Variants in L3MBTL3 observed in about 807,000 individuals in gnomAD.
L3MBTL3 encodes the protein lethal(3)malignant brain tumor-like protein 3.
In L3MBTL3, 27 loss-of-function variants were observed where a neutral mutation model predicts 102.3. The ratio of observed to expected loss-of-function variants is 0.26; its 90% confidence interval spans 0.19 to 0.36. L3MBTL3 has a LOEUF of 0.36. L3MBTL3 is among the 10% of genes least tolerant of loss of function. The probability of loss-of-function intolerance (pLI) is 1.00; values close to 1 mark genes in which losing one functional copy is unlikely to be tolerated. For synonymous variants in L3MBTL3, 340 were observed against 320.9 expected, an observed-to-expected ratio of 1.06 and a Z score of -0.64; for missense variants, 798 against 955.3, an observed-to-expected ratio of 0.84 and a Z score of 2.17.
chr6:130,057,352 C>T, intron 8 of L3MBTL3, 54 bp from the exon 9 acceptor site: 2 of 1,404,322 alleles, frequency 1.4e-6, no homozygotes, highest in South Asian at 2.4e-5. Flanking sequence ...ACAGATGCAT[C>T]ACTGCTGGCT....
intron 14 of L3MBTL3, among the ~76,000 whole-genome samples, chr6:130,081,065 C>T (rs773968600): frequency 6.6e-6 from 1 of 152,262 alleles, no homozygotes; most frequent in Non-Finnish European, 1.5e-5. Context: ...TAGGCCACCA[C>T]CACGTTTCCG....
intron 14 of L3MBTL3, among the ~76,000 whole-genome samples, chr6:130,081,692 TG>T (rs1195295561): frequency 6.6e-6 from 1 of 152,070 alleles, no homozygotes; most frequent in African/African-American, 2.4e-5. Context: ...CCCAAAATGC[TG>T]GGATTACAGG....
At chr6:130,103,551 C>G (rs769621020) in intron 18 of L3MBTL3, among the ~76,000 whole-genome samples, 3 of 152,182 alleles carry the variant, frequency 2.0e-5, no homozygotes, top group Non-Finnish European at 2.9e-5. Flanking sequence ...ATGTAATTTA[C>G]CTAAGGCCCA....
At chr6:130,093,899 A>G (rs1175713113) in intron 17 of L3MBTL3, among the ~76,000 whole-genome samples, 1 of 152,228 alleles carries the variant, frequency 6.6e-6, no homozygotes. Flanking sequence ...TGTTCACAGT[A>G]TGTGAGTATT....
Position 130,139,822 on chromosome 6 carries a change from G to T in L3MBTL3, c.*69G>T. ...CATGTTTTATTCAAAGCACAAGGACGGTTATAACTCCTAAGTGAGAAGTCT... is the reference window on the plus strand; with the variant it reads ...CATGTTTTATTCAAAGCACAAGGACTGTTATAACTCCTAAGTGAGAAGTCT... On this transcript the variant is annotated 3_prime_UTR_variant, in exon 23 of 23. Transcript: ENST00000361794. 3 of 1,453,880 alleles carry T rather than the reference G, an allele frequency of 2.1e-6. No individual in the cohort carries two copies. Among genetic ancestry groups the T allele is most frequent in the East Asian group, 2.3e-5 (1 of 43,390 alleles). 90.1% of individuals were successfully genotyped at this position (1,453,880 alleles called of 1,614,324 possible).
In L3MBTL3 at chr6:130,070,032, A is replaced by G. The variant is rs140171968; in HGVS notation, c.1093-944A>G. Among the ~76,000 whole-genome samples, 35 of 152,314 alleles carry G rather than the reference A, an allele frequency of 2.3e-4. 2 individuals are homozygous for G. Among genetic ancestry groups the G allele is most frequent in the East Asian group, 1.3e-3 (7 of 5,190 alleles). Reference sequence around the variant, plus strand: ...TTGTATAATTATAGTAAAATGAGAGATAGCATTTATTTTGCCTAAAGTAGT... The same window carrying G: ...TTGTATAATTATAGTAAAATGAGAGGTAGCATTTATTTTGCCTAAAGTAGT... On this transcript the variant is annotated intron_variant, in intron 12 of 22. Transcript: ENST00000361794.
At chr6:130,094,175 T>G in intron 17 of L3MBTL3, 90 bp from the exon 18 acceptor site, 1 of 959,782 alleles carries the variant, frequency 1.0e-6, no homozygotes, top group Non-Finnish European at 1.5e-6. Context: ...AGGGAGTCTT[T>G]TTCTTCCTTA....
At chr6:130,030,725 C>T (rs2114554412) in intron 2 of L3MBTL3, among the ~76,000 whole-genome samples, 1 of 149,304 alleles carries the variant, frequency 6.7e-6, no homozygotes, top group South Asian at 2.1e-4. Context: ...GGCTCCAAAG[C>T]CTTTGCTGTT....
intron 1 of L3MBTL3, 46 bp downstream of exon 1, chr6:130,018,710 T>C (rs1284948164): frequency 6.6e-6 from 1 of 152,320 alleles, no homozygotes; most frequent in African/African-American, 2.4e-5. Flanking sequence ...ATCTGAAGAT[T>C]TGTCCGTGCA....
chr6:130,043,865 G>A (rs905505852), intron 3 of L3MBTL3, among the ~76,000 whole-genome samples: 1 of 152,122 alleles, frequency 6.6e-6, no homozygotes, highest in Admixed American at 6.6e-5. Flanking sequence ...TAAGTGTAAT[G>A]TGCCAACACC....
intron 19 of L3MBTL3, among the ~76,000 whole-genome samples, chr6:130,111,218 G>GCT (rs1785326348): frequency 6.6e-6 from 1 of 152,122 alleles, no homozygotes; most frequent in Non-Finnish European, 1.5e-5. Context: ...TTGTCACGCT[G>GCT]GTTACCACCA....
intron 2 of L3MBTL3, among the ~76,000 whole-genome samples, chr6:130,029,493 G>A (rs771433636): frequency 2.0e-5 from 3 of 152,090 alleles, no homozygotes; most frequent in South Asian, 2.1e-4. Context: ...CAGAAATTAC[G>A]TCCTTTTTAT....
At chr6:130,100,382 G>A (rs1011082499) in intron 18 of L3MBTL3, among the ~76,000 whole-genome samples, 3 of 152,036 alleles carry the variant, frequency 2.0e-5, no homozygotes, top group Admixed American at 1.3e-4. Flanking sequence ...ATTTTGTGGC[G>A]TTCCATTTTG....
At chr6:130,031,141 C>T (rs1166289193) in intron 2 of L3MBTL3, among the ~76,000 whole-genome samples, 3 of 152,044 alleles carry the variant, frequency 2.0e-5, no homozygotes, top group African/African-American at 7.3e-5. Context: ...AGACAGGGGC[C>T]ATACCTTTCT....
chr6:130,091,785 CAT>C (rs1366575655), intron 16 of L3MBTL3, among the ~76,000 whole-genome samples: 2 of 151,912 alleles, frequency 1.3e-5, no homozygotes, highest in East Asian at 3.9e-4. Flanking sequence ...TGTTCTCACT[CAT>C]ATGTGGGAGC....
At chr6:130,078,500 A>G in intron 13 of L3MBTL3, 58 bp from the exon 14 acceptor site, 1 of 1,112,536 alleles carries the variant, frequency 9.0e-7, no homozygotes. Context: ...TTTTTATTTT[A>G]CTAGTTTTTG....
chr6:130,131,553 A>G (rs2114405007), intron 20 of L3MBTL3, among the ~76,000 whole-genome samples: 1 of 152,338 alleles, frequency 6.6e-6, no homozygotes. Flanking sequence ...AGACCCCAGG[A>G]GAGGATTCTT....
chr6:130,084,380 CATG>C (rs1332052932), intron 15 of L3MBTL3, among the ~76,000 whole-genome samples: 1 of 151,884 alleles, frequency 6.6e-6, no homozygotes, highest in African/African-American at 2.4e-5. Context: ...TTAAATGTGT[CATG>C]ATGAGCTTAT....
chr6:130,111,448 G>T (rs569104466), intron 19 of L3MBTL3, among the ~76,000 whole-genome samples: 4 of 152,176 alleles, frequency 2.6e-5, no homozygotes, highest in East Asian at 3.9e-4. Context: ...GGAAATCAGC[G>T]CAGGTGAGAC....
Sources: gnomAD v4.1 joint callset for allele counts (sites outside exome capture counted in the v4.1 genomes callset) on GRCh38, gnomAD v4.1.1 for gene constraint, MANE v1.5 for transcripts, NCBI Gene and HGNC (gene_info 2026-07-23, HGNC 2026-07-21) for gene names.